The following POLI variants were observed in gnomAD, a reference collection of about 807,000 sequenced individuals.
The protein encoded by POLI is DNA polymerase iota, also known as RAD30 homolog B.
In POLI, 58 loss-of-function variants were observed where a neutral mutation model predicts 51.6. That is an observed-to-expected ratio of 1.12 (90% CI 0.91 to 1.40). The LOEUF (loss-of-function observed/expected upper bound fraction) is 1.40. Among genes scored for constraint, POLI ranks in the 40% most tolerant of loss-of-function variants. The probability of loss-of-function intolerance (pLI) is 0.00; values close to 1 mark genes in which losing one functional copy is unlikely to be tolerated. For missense variants in POLI, 921 were observed against 871.3 expected (o/e 1.06, Z -0.72); for synonymous variants, 322 against 299.7 (o/e 1.07, Z -0.77).
At chr18:54,309,595 AT>A (rs978314558) in intron 3 of POLI, among the ~76,000 whole-genome samples, 3 of 152,104 alleles carry the variant, frequency 2.0e-5, no homozygotes, top group Non-Finnish European at 2.9e-5. Flanking sequence ...GTGCTGGGAG[AT>A]GTCCCATGTC....
Position 54,295,966 on chromosome 18 carries a change from A to G in POLI, c.*1499A>G. Reference sequence around the variant, plus strand: ...TTAACTTAGTTTTGGATTCCTTGGAATTTGAAAATATGCTAACACGAAGGA... The same window carrying G: ...TTAACTTAGTTTTGGATTCCTTGGAGTTTGAAAATATGCTAACACGAAGGA... On this transcript the variant is annotated 3_prime_UTR_variant, in exon 10 of 10. Transcript: ENST00000579534. 4.1e-6 allele frequency: 4 copies of G among 985,250 alleles called. No individual in the cohort carries two copies. Among genetic ancestry groups the G allele is most frequent in the Non-Finnish European group, 4.8e-6 (4 of 829,822 alleles). The allele number at this position is 985,250 out of a possible 1,614,324, so 61.0% of individuals were successfully genotyped here. A position where few individuals can be genotyped will look rare whatever the true frequency, so the allele number is the denominator to read the frequency against.
At chr18:54,301,485 C>T (rs1427480904), downstream of POLI, among the ~76,000 whole-genome samples, 1 of 152,166 alleles carries the variant, frequency 6.6e-6, no homozygotes, top group Non-Finnish European at 1.5e-5. Flanking sequence ...TTTTCAACTT[C>T]ATAATGGTGC....
At chr18:54,288,724 C>T (rs1301911700) in intron 8 of POLI, among the ~76,000 whole-genome samples, 10 of 151,976 alleles carry the variant, frequency 6.6e-5, no homozygotes, top group Non-Finnish European at 7.4e-5. Flanking sequence ...ATCTCATAAC[C>T]GCTGTTGCCC....
intron 3 of POLI, among the ~76,000 whole-genome samples, chr18:54,307,023 ATCT>A (rs1213272869): frequency 6.6e-6 from 1 of 152,080 alleles, no homozygotes; most frequent in East Asian, 1.9e-4. Flanking sequence ...AACAAAATTG[ATCT>A]TCTCAAAAAA....
chr18:54,309,691 G>A (rs1456161884), intron 3 of POLI, among the ~76,000 whole-genome samples: 1 of 152,216 alleles, frequency 6.6e-6, no homozygotes, highest in Non-Finnish European at 1.5e-5. Context: ...CAGAGATGGA[G>A]TCTACAGAGG....
Position 54,296,369 on chromosome 18 carries a change from C to G in POLI, c.*1902C>G, listed in dbSNP as rs145438508. ...ACTTATTTTGTGGTTTTAAGTTAGT[C>G]TCAACATCTTTGGGCCTCAGAATCA... On this transcript the variant is annotated 3_prime_UTR_variant, in exon 10 of 10. Coordinates refer to ENST00000579534, the MANE Select transcript of POLI (RefSeq NM_007195.3). 5.8e-5 allele frequency: 57 copies of G among 984,942 alleles called. No individual in the cohort carries two copies. The African/African-American group carries it at 9.2e-4, about 16-fold the overall frequency. 61.0% of individuals were successfully genotyped at this position (984,942 alleles called of 1,614,324 possible). A position where few individuals can be genotyped will look rare whatever the true frequency, so the allele number is the denominator to read the frequency against.
At chr18:54,313,769 A>G (rs1486802435) in intron 3 of POLI, among the ~76,000 whole-genome samples, 1 of 152,162 alleles carries the variant, frequency 6.6e-6, no homozygotes, top group East Asian at 1.9e-4. Flanking sequence ...TGTTGTTGGT[A>G]TGTAGGAATA....
chr18:54,305,230 G>T (rs533673554), intron 3 of POLI, among the ~76,000 whole-genome samples: 1 of 152,186 alleles, frequency 6.6e-6, no homozygotes, highest in East Asian at 1.9e-4. Context: ...GCTTAGGATT[G>T]TCTTGGCTGT....
At position 54,294,633 on chromosome 18, in the gene POLI, A is replaced by G; in HGVS notation, c.*166A>G. The G allele has an allele frequency of 1.5e-6, 2 of 1,293,378 alleles. No individual in the cohort carries two copies. The highest frequency in any genetic ancestry group is 2.0e-6 in the Non-Finnish European group (2 of 1,023,752). The allele number at this position is 1,293,378 out of a possible 1,614,324, so 80.1% of individuals were successfully genotyped here. On this transcript the variant is annotated 3_prime_UTR_variant, in exon 10 of 10. Transcript: ENST00000579534. ...AGAAGTAAATTCTGGCACAAAGCGT[A>G]AAAATATAACAGAAGAAATAATGTA...
intron 8 of POLI, among the ~76,000 whole-genome samples, chr18:54,290,869 C>G (rs1414374801): frequency 6.6e-6 from 1 of 152,038 alleles, no homozygotes; most frequent in Non-Finnish European, 1.5e-5. Flanking sequence ...GGAGAAATAC[C>G]TAATGTAAAT....
chr18:54,291,784 T>C (rs2088022667), intron 8 of POLI, 49 bp from the exon 9 acceptor site: 4 of 845,264 alleles, frequency 4.7e-6, no homozygotes, highest in Non-Finnish European at 7.5e-6. Context: ...TAAAATATAT[T>C]ATGCTCTTAA....
At chr18:54,308,785 A>T (rs931410632) in intron 3 of POLI, among the ~76,000 whole-genome samples, 1 of 151,916 alleles carries the variant, frequency 6.6e-6, no homozygotes, top group Non-Finnish European at 1.5e-5. Flanking sequence ...TATTGCTTTT[A>T]ACTCTTTTTT....
At position 54,277,812 on chromosome 18, in the gene POLI, A is replaced by T; in HGVS notation, c.516A>T (p.Glu172Asp). The change falls in exon 4 of 10, where the codon GAA becomes GAT. Residue 172 changes from glutamate to aspartate, a missense_variant. Glu to Asp is a conservative substitution (Grantham distance 45). Transcript: ENST00000579534. ...EKRLQQLQSD[E>D]LSAVTVSGHV... is the part of the protein sequence containing the mutation. ...GACTACAGCAGCTGCAAAGTGATGAACTTTCTGCGGTGACTGTGTCGGGTC... is the reference window on the plus strand; with the variant it reads ...GACTACAGCAGCTGCAAAGTGATGATCTTTCTGCGGTGACTGTGTCGGGTC... 6.2e-7 allele frequency: 1 copy of T among 1,613,126 alleles called. No homozygotes were observed. Among genetic ancestry groups the T allele is most frequent in the South Asian group, 1.1e-5 (1 of 90,962 alleles).
intron 4 of POLI, 114 bp downstream of exon 4, chr18:54,277,969 T>A: frequency 1.3e-6 from 1 of 749,006 alleles, no homozygotes; most frequent in South Asian, 2.0e-5. Flanking sequence ...GGAGGTATAG[T>A]TATATTTAGT....
rs2087313716 is a variant in POLI at position 54,277,769 on chromosome 18, C to A, written c.473C>A (p.Thr158Lys). ...TTTGATGAAAATTTTGTGGATCTAA[C>A]AGAAATGGTTGAGAAGAGACTACAG... ...LGFDENFVDL[T>K]EMVEKRLQQL... The change falls in exon 4 of 10, where the codon ACA (threonine) becomes AAA (lysine). Residue 158 changes from threonine to lysine, a missense_variant. By Grantham distance (78) the Thr-to-Lys change is moderately conservative. Coordinates refer to ENST00000579534, the MANE Select transcript of POLI (RefSeq NM_007195.3). 4 of 1,611,142 alleles carry A rather than the reference C, an allele frequency of 2.5e-6. No homozygotes were observed. The South Asian group carries it at 4.4e-5, about 18-fold the overall frequency.
At position 54,295,288 on chromosome 18, in the gene POLI, A is replaced by G. The variant is rs2088266752; in HGVS notation, c.*821A>G. ...ACTGAGATGTTTTTGTATCTTCCCT[A>G]CATTTGGAGATGATATTAGGTTGTC... On this transcript the variant is annotated 3_prime_UTR_variant, in exon 10 of 10. Coordinates refer to ENST00000579534, the MANE Select transcript of POLI (RefSeq NM_007195.3). The G allele has an allele frequency of 3.0e-6, 3 of 984,582 alleles. No homozygotes were observed. The highest frequency in any genetic ancestry group is 1.2e-6 in the Non-Finnish European group (1 of 829,146). The allele number at this position is 984,582 out of a possible 1,614,324, so 61.0% of individuals were successfully genotyped here.
intron 4 of POLI, among the ~76,000 whole-genome samples, chr18:54,279,622 T>G (rs968380644): frequency 6.6e-6 from 1 of 152,194 alleles, no homozygotes; most frequent in Non-Finnish European, 1.5e-5. Flanking sequence ...TATGGATTGC[T>G]TGGTTGGTTG....
intron 9 of POLI, among the ~76,000 whole-genome samples, chr18:54,293,045 A>G (rs1452524477): frequency 6.6e-6 from 1 of 152,010 alleles, no homozygotes; most frequent in Non-Finnish European, 1.5e-5. Flanking sequence ...TTACGGAGTT[A>G]TATTTGACTA....
At chr18:54,283,583 T>G (rs2087612902) in intron 6 of POLI, among the ~76,000 whole-genome samples, 1 of 152,152 alleles carries the variant, frequency 6.6e-6, no homozygotes, top group Middle Eastern at 3.2e-3. Flanking sequence ...AAGGATAAAC[T>G]TAGATTCAAG....
Sources: gnomAD v4.1 joint callset for allele counts (sites outside exome capture counted in the v4.1 genomes callset) on GRCh38, gnomAD v4.1.1 for gene constraint, MANE v1.5 for transcripts, NCBI Gene and HGNC (gene_info 2026-07-23, HGNC 2026-07-21) for gene names.